TJP3: variants seen among roughly 807,000 people sequenced by gnomAD.
The protein encoded by TJP3 is tight junction protein ZO-3.
In TJP3, 85 loss-of-function variants were observed where a neutral mutation model predicts 104.2. That is an observed-to-expected ratio of 0.82 (90% CI 0.68 to 0.98). TJP3 has a LOEUF of 0.98. Ranked by LOEUF, TJP3 falls within the 50% of genes least tolerant of loss-of-function variation. The probability of loss-of-function intolerance (pLI) is 0.00; values close to 1 mark genes in which losing one functional copy is unlikely to be tolerated. For missense variants in TJP3, 1,367 were observed against 1,322.8 expected (o/e 1.03, Z -0.52); for synonymous variants, 550 against 550.6 (o/e 1.00, Z 0.02).
chr19:3,737,807 T>C (rs116558495), intron 11 of TJP3, among the ~76,000 whole-genome samples: 53 of 152,338 alleles, frequency 3.5e-4, no homozygotes, highest in African/African-American at 1.2e-3. Flanking sequence ...CTTGTGGGAT[T>C]CTAACCTTGA....
Position 3,733,745 on chromosome 19 carries a change from C to G in TJP3, c.718-8C>G, listed in dbSNP as rs779291390. On this transcript the variant is annotated splice_region_variant and splice_polypyrimidine_tract_variant and intron_variant, in intron 6 of 20. Transcript: ENST00000541714. The stretch of plus-strand genomic sequence containing the variant: ...CACTTCCGCTCTTTCATTCCTGGTC[C>G]CTTTCAGATCAACGGGGTGTCTAGC... 4 of 1,614,022 alleles carry G rather than the reference C, an allele frequency of 2.5e-6. No homozygotes were observed. The East Asian group carries it at 8.9e-5, about 36-fold the overall frequency.
At chr19:3,734,891 T>G (rs1414752837) in intron 8 of TJP3, among the ~76,000 whole-genome samples, 1 of 152,022 alleles carries the variant, frequency 6.6e-6, no homozygotes, top group African/African-American at 2.4e-5. Flanking sequence ...GAAATGGAGG[T>G]TGCAGTGAGC....
chr19:3,734,164 G>T, intron 7 of TJP3, 163 bp from the exon 8 acceptor site: 1 of 880,168 alleles, frequency 1.1e-6, no homozygotes, highest in East Asian at 2.5e-5. Flanking sequence ...TGGGATTATA[G>T]GCGTGAGCCA....
chr19:3,728,231 C>G, intron 1 of TJP3, 193 bp from the exon 2 acceptor site: 1 of 881,824 alleles, frequency 1.1e-6, no homozygotes, highest in Non-Finnish European at 1.7e-6. Context: ...CAGAGCCAGA[C>G]TCTGTCTCAA....
intron 1 of TJP3, among the ~76,000 whole-genome samples, chr19:3,719,661 G>A (rs967775233): frequency 2.7e-5 from 4 of 150,360 alleles, no homozygotes; most frequent in Admixed American, 6.7e-5. Context: ...ACGGGAACCC[G>A]GGAGGCGGAG....
In TJP3 at chr19:3,747,934, C is replaced by A. The variant is rs764429560; in HGVS notation, c.2463C>A (p.Gly821=). 3 of 1,613,200 alleles carry A rather than the reference C, an allele frequency of 1.9e-6. No individual in the cohort carries two copies. Among genetic ancestry groups the A allele is most frequent in the South Asian group, 2.2e-5 (2 of 91,068 alleles). ...GCGGCGCGTACACGGATGGCGAGGG[C>A]TACACAGACGGCGAGGGGGGGCCCT... ...GEGGAYTDGE[G]YTDGEGGPYT... is the part of the protein sequence containing the mutation. The change falls in exon 19 of 21, where the codon GGC becomes GGA. Residue 821 remains glycine, a synonymous_variant. Transcript: ENST00000541714.
In TJP3 at chr19:3,730,284, A is replaced by T. The variant is rs1599151705; in HGVS notation, c.262-71A>T. 6 of 1,487,972 alleles carry T rather than the reference A, an allele frequency of 4.0e-6. No homozygotes were observed. Among genetic ancestry groups the T allele is most frequent in the Admixed American group, 4.2e-5 (2 of 47,804 alleles). 92.2% of individuals were successfully genotyped at this position (1,487,972 alleles called of 1,614,324 possible). A position where few individuals can be genotyped will look rare whatever the true frequency, so the allele number is the denominator to read the frequency against. ...AGAGAGACTGGTGTCCCCCAGGGCC[A>T]CCCGGGGGCTGAGCAGAGCCTCCCC... On this transcript the variant is annotated intron_variant, in intron 4 of 20. Coordinates refer to ENST00000541714, the MANE Select transcript of TJP3 (RefSeq NM_001267560.2). The surrounding 1 kb of genome is among the most constrained non-coding windows in gnomAD (Gnocchi z 7.3).
chr19:3,744,074 A>T, intron 15 of TJP3, 40 bp downstream of exon 15: 1 of 1,586,338 alleles, frequency 6.3e-7, no homozygotes, highest in East Asian at 2.2e-5. Context: ...TTGGTGAAAT[A>T]GTTTCACAAC....
chr19:3,750,659 A>G lies in TJP3; in HGVS notation c.2735A>G (p.Asp912Gly). ...GAGTCCTCCGATGAAGACGGCTATG[A>G]CTGGGGTCCGGCCACTGACCTGTGA... ...DAESSDEDGY[D>G]WGPATDL The change falls in exon 21 of 21, where the codon GAC becomes GGC. Residue 912 changes from aspartate to glycine, a missense_variant. Transcript: ENST00000541714. 1 of 1,604,976 alleles carries G rather than the reference A, an allele frequency of 6.2e-7. No individual in the cohort carries two copies. Among genetic ancestry groups the G allele is most frequent in the Non-Finnish European group, 8.5e-7 (1 of 1,175,824 alleles).
Position 3,728,614 on chromosome 19 carries a change from G to A in TJP3, c.59G>A (p.Arg20Gln), listed in dbSNP as rs367879011. 3.7e-5 allele frequency: 59 copies of A among 1,612,910 alleles called. No individual in the cohort carries two copies. Among genetic ancestry groups the A allele is most frequent in the African/African-American group, 3.1e-4 (23 of 75,056 alleles). The stretch of plus-strand genomic sequence containing the variant: ...CTCATCCTCTCTCAGGACCCCCGCC[G>A]GGGCTTTGGCATTGCGATCTCTGGA... The part of the protein sequence containing the change: ...HTATLSKDPR[R>Q]GFGIAISGGR... The change falls in exon 3 of 21, where the codon CGG (arginine) becomes CAG (glutamine). Residue 20 changes from arginine (R) to glutamine (Q), a missense_variant. Arg to Gln is a conservative substitution (Grantham distance 43). Coordinates refer to ENST00000541714, the MANE Select transcript of TJP3 (RefSeq NM_001267560.2).
chr19:3,748,438 A>G (rs2036937570), intron 19 of TJP3, among the ~76,000 whole-genome samples: 1 of 149,504 alleles, frequency 6.7e-6, no homozygotes, highest in South Asian at 2.1e-4. Context: ...TGCCCGGCTA[A>G]TTTTTGTATT....
chr19:3,726,643 C>T (rs1202656221), intron 1 of TJP3, among the ~76,000 whole-genome samples: 1 of 151,440 alleles, frequency 6.6e-6, no homozygotes, highest in Non-Finnish European at 1.5e-5. Flanking sequence ...TCATTTGAGC[C>T]CAGGAGTTCA....
chr19:3,744,247 A>G (rs992772773), intron 15 of TJP3, among the ~76,000 whole-genome samples: 1 of 152,226 alleles, frequency 6.6e-6, no homozygotes. Flanking sequence ...ACAGTTCACC[A>G]GGTAGCCATT....
intron 11 of TJP3, among the ~76,000 whole-genome samples, chr19:3,737,783 T>C (rs2036755579): frequency 1.3e-5 from 2 of 152,208 alleles, no homozygotes; most frequent in African/African-American, 2.4e-5. Context: ...TTTACTGTAT[T>C]TCTACTCATT....
At position 3,747,910 on chromosome 19, in the gene TJP3, C is replaced by G. The variant is rs565405323; in HGVS notation, c.2439C>G (p.Gly813=). The G allele has an allele frequency of 9.3e-6, 15 of 1,613,170 alleles. No homozygotes were observed. In the African/African-American group the frequency reaches 1.9e-4, roughly 20 times the overall value. The change falls in exon 19 of 21, where the codon GGC becomes GGG. Residue 813 remains glycine, a synonymous_variant. Coordinates refer to ENST00000541714, the MANE Select transcript of TJP3 (RefSeq NM_001267560.2). ...GCGACTACGAGACGGACGGCGAGGGCGGCGCGTACACGGATGGCGAGGGCT... is the reference window on the plus strand; with the variant it reads ...GCGACTACGAGACGGACGGCGAGGGGGGCGCGTACACGGATGGCGAGGGCT... ...VNSDYETDGE[G]GAYTDGEGYT...
chr19:3,750,027 G>T, intron 19 of TJP3, 111 bp from the exon 20 acceptor site: 1 of 1,374,478 alleles, frequency 7.3e-7, no homozygotes. Flanking sequence ...GGGTTAGCAA[G>T]TGGGCAGCAT....
chr19:3,738,614 G>A lies in TJP3; in HGVS notation c.1344G>A (p.Gly448=). ...TREEAVQFLL[G]LPPGEEMELV... ...AGGAGGCAGTGCAGTTCCTGCTGGG[G>A]CTGCCACCAGGCGAGGAGATGGAGC... Residue 448 remains glycine, a synonymous_variant, in exon 12 of 21, where the codon GGG becomes GGA. Transcript: ENST00000541714. The A allele has an allele frequency of 6.2e-7, 1 of 1,613,972 alleles. No homozygotes were observed. Among genetic ancestry groups the A allele is most frequent in the Non-Finnish European group, 8.5e-7 (1 of 1,179,964 alleles).
rs2036885472 is a variant in TJP3, at chr19:3,746,224, G to A, written c.2010+143G>A. 2 of 913,902 alleles carry A rather than the reference G, an allele frequency of 2.2e-6. No homozygotes were observed. The highest frequency in any genetic ancestry group is 1.7e-5 in the African/African-American group (1 of 60,260). The allele number at this position is 913,902 out of a possible 1,614,324, so 56.6% of individuals were successfully genotyped here. A position where few individuals can be genotyped will look rare whatever the true frequency, so the allele number is the denominator to read the frequency against. ...GAGCCCCTTTTGGAGGCTTTGTGAG[G>A]CAGGAGGCCCGAGACAGACAAGGGC... On this transcript the variant is annotated intron_variant, in intron 16 of 20. Transcript: ENST00000541714. This position sits in a 1 kb window ranked among gnomAD's most constrained non-coding sequence, Gnocchi z 4.1.
intron 1 of TJP3, among the ~76,000 whole-genome samples, chr19:3,709,976 T>C (rs1260668978): frequency 6.6e-6 from 1 of 151,950 alleles, no homozygotes; most frequent in African/African-American, 2.4e-5. Context: ...GGTGGAACCC[T>C]GTCTCTACTA....
Sources: allele counts gnomAD v4.1 joint callset (sites outside exome capture counted in the v4.1 genomes callset), GRCh38; gene constraint gnomAD v4.1.1; non-coding constraint Gnocchi (gnomAD v3.1); transcripts MANE v1.5; gene names NCBI Gene and HGNC (gene_info 2026-07-23, HGNC 2026-07-21).